The following RPTN variants were observed in gnomAD, a reference collection of about 807,000 sequenced individuals.
RPTN encodes the protein intermediate filament-associated protein.
Under a neutral mutation model 3.6 loss-of-function variants are expected in RPTN, and 4 were observed. That is an observed-to-expected ratio of 1.12 (90% CI 0.55 to 2.55). RPTN has a LOEUF of 2.55. Ranked by LOEUF, RPTN falls within the 30% of genes most tolerant of loss-of-function variation. The pLI is 0.02. For missense variants in RPTN, 860 were observed against 916.7 expected (o/e 0.94, Z 0.80); for synonymous variants, 293 against 319.3 (o/e 0.92, Z 0.88).
In RPTN at chr1:152,153,729, CAT is replaced by C. The variant is rs1358178109; in HGVS notation, c.*1013_*1014del. 1 of 152,140 alleles carries C rather than the reference CAT, an allele frequency of 6.6e-6. No individual in the cohort carries two copies. The highest frequency in any genetic ancestry group is 1.5e-5 in the Non-Finnish European group (1 of 68,024). The allele number at this position is 152,140 out of a possible 1,614,324, so 9.4% of individuals were successfully genotyped here. On this transcript the variant is annotated 3_prime_UTR_variant, in exon 3 of 3. Transcript: ENST00000316073. ...TCCCCTGGAATTTGCAAACATATGACATATACTTTCTCTTTATTTTATATAAT... is the reference window on the plus strand; with the variant it reads ...TCCCCTGGAATTTGCAAACATATGACATACTTTCTCTTTATTTTATATAAT...
chr1:152,156,457 A>C lies in RPTN; in HGVS notation c.642T>G (p.Ser214=). 6.2e-7 allele frequency: 1 copy of C among 1,614,236 alleles called. No homozygotes were observed. The highest frequency in any genetic ancestry group is 8.5e-7 in the Non-Finnish European group (1 of 1,180,050). The part of the protein sequence containing the change: ...SSSGKKVSHK[S]TSGQAKWQGH... Reference sequence around the variant, plus strand: ...CCTGCCATTTAGCCTGGCCACTGGTAGATTTGTGACTCACTTTTTTACCAG... The same window carrying C: ...CCTGCCATTTAGCCTGGCCACTGGTCGATTTGTGACTCACTTTTTTACCAG... Residue 214 remains serine (S), a synonymous_variant, in exon 3 of 3, where the codon TCT becomes TCG. Transcript: ENST00000316073.
Position 152,156,398 on chromosome 1 carries a change from G to T in RPTN, c.701C>A (p.Pro234Gln), listed in dbSNP as rs1659206145. The change falls in exon 3 of 3, where the codon CCA (proline) becomes CAA (glutamine). Residue 234 changes from proline (P) to glutamine (Q), a missense_variant. Coordinates refer to ENST00000316073, the MANE Select transcript of RPTN (RefSeq NM_001122965.1). ...HIFALNRCEK[P>Q]IQDSHYGQSE... Reference sequence around the variant, plus strand: ...CTGACCATAATGAGAATCCTGAATTGGTTTTTCACACCGATTTAAGGCAAA... The same window carrying T: ...CTGACCATAATGAGAATCCTGAATTTGTTTTTCACACCGATTTAAGGCAAA... 4 of 1,614,100 alleles carry T rather than the reference G, an allele frequency of 2.5e-6. No homozygotes were observed. The highest frequency in any genetic ancestry group is 1.7e-5 in the Admixed American group (1 of 60,002).
Position 152,155,710 on chromosome 1 carries a change from A to T in RPTN, c.1389T>A (p.Tyr463Ter). The T allele has an allele frequency of 6.3e-7, 1 of 1,596,150 alleles. No individual in the cohort carries two copies. Among genetic ancestry groups the T allele is most frequent in the East Asian group, 2.3e-5 (1 of 44,370 alleles). The change falls in exon 3 of 3, where the codon TAT becomes TAA. Residue 463 changes from tyrosine (Y) to a stop codon, truncating the protein, a stop_gained. Coordinates refer to ENST00000316073, the MANE Select transcript of RPTN (RefSeq NM_001122965.1). LOFTEE classifies it low-confidence loss of function (END_TRUNC). ...QTDRQGQSSH[Y>*]GQTDRQGQSS... ...TCTGGCCTTGTCTGTCTGTCTGACC[A>T]TAGTGGGAACTCTGGCCTTGTCTGT...
chr1:152,157,096 G>T, intron 2 of RPTN, 136 bp from the exon 3 acceptor site: 1 of 737,806 alleles, frequency 1.4e-6, no homozygotes, highest in Non-Finnish European at 2.2e-6. Context: ...CTGAAGTGGT[G>T]TGGACTTGGC....
chr1:152,156,724 G>T lies in RPTN; in HGVS notation c.375C>A (p.His125Gln). 1 of 1,614,082 alleles carries T rather than the reference G, an allele frequency of 6.2e-7. No individual in the cohort carries two copies. The highest frequency in any genetic ancestry group is 8.5e-7 in the Non-Finnish European group (1 of 1,180,018). Residue 125 changes from histidine (H) to glutamine (Q), a missense_variant, in exon 3 of 3, where the codon CAC becomes CAA. By Grantham distance (24) the His-to-Gln change is conservative. Coordinates refer to ENST00000316073, the MANE Select transcript of RPTN (RefSeq NM_001122965.1). ...GGTGGGAGTTCTGCCTTTCTTCCTCGTGCCTCTGTCTGTGTTGTCTGCCTG... is the reference window on the plus strand; with the variant it reads ...GGTGGGAGTTCTGCCTTTCTTCCTCTTGCCTCTGTCTGTGTTGTCTGCCTG... ...GNTGRQHRQR[H>Q]EEERQNSHHS... is the part of the protein sequence containing the mutation.
In RPTN at chr1:152,155,612, C is replaced by T. The variant is rs1213483150; in HGVS notation, c.1487G>A (p.Ser496Asn). The T allele has an allele frequency of 3.8e-6, 6 of 1,596,394 alleles. No individual in the cohort carries two copies. The highest frequency in any genetic ancestry group is 5.1e-6 in the Non-Finnish European group (6 of 1,167,482). The stretch of plus-strand genomic sequence containing the variant: ...TCCGTCTGGCTGACCATAATGATAA[C>T]TCTGGTCTTGTCTGTCTATCTTACC... ...HYGKIDRQDQ[S>N]YHYGQPDGQG... The change falls in exon 3 of 3, where the codon AGT (serine) becomes AAT (asparagine). Residue 496 changes from serine (S) to asparagine (N), a missense_variant. Transcript: ENST00000316073.
chr1:152,154,538 G>C lies in RPTN; in HGVS notation c.*206C>G. ...TTGGGGCCTCCCACTGCTCTGGGTTGGATAGAAGGATGGTTCAGTGTGTCT... is the reference window on the plus strand; with the variant it reads ...TTGGGGCCTCCCACTGCTCTGGGTTCGATAGAAGGATGGTTCAGTGTGTCT... On this transcript the variant is annotated 3_prime_UTR_variant, in exon 3 of 3. Coordinates refer to ENST00000316073, the MANE Select transcript of RPTN (RefSeq NM_001122965.1). 1.4e-6 allele frequency: 1 copy of C among 738,934 alleles called. No individual in the cohort carries two copies. Among genetic ancestry groups the C allele is most frequent in the Non-Finnish European group, 2.2e-6 (1 of 453,738 alleles). 45.8% of individuals were successfully genotyped at this position (738,934 alleles called of 1,614,324 possible).
chr1:152,157,374 C>T (rs1300647548), intron 2 of RPTN, among the ~76,000 whole-genome samples: 1 of 152,110 alleles, frequency 6.6e-6, no homozygotes, highest in African/African-American at 2.4e-5. Flanking sequence ...CTCAGTGACT[C>T]TTTATTGGTT....
At chr1:152,158,355 T>C (rs1185800448) in intron 1 of RPTN, among the ~76,000 whole-genome samples, 1 of 152,108 alleles carries the variant, frequency 6.6e-6, no homozygotes, top group Admixed American at 6.5e-5. Flanking sequence ...CAGGTTTCAG[T>C]CTTGTAATGA....
chr1:152,157,416 T>C (rs1349660185), intron 2 of RPTN, among the ~76,000 whole-genome samples: 1 of 152,178 alleles, frequency 6.6e-6, no homozygotes, highest in East Asian at 1.9e-4. Flanking sequence ...GATGTGTGGA[T>C]AGCACTAAAT....
Position 152,157,913 on chromosome 1 carries a change from A to G in RPTN, c.-20-4T>C. 6.2e-7 allele frequency: 1 copy of G among 1,612,828 alleles called. No homozygotes were observed. Among genetic ancestry groups the G allele is most frequent in the Admixed American group, 1.7e-5 (1 of 59,964 alleles). On this transcript the variant is annotated splice_region_variant and splice_polypyrimidine_tract_variant and intron_variant, in intron 1 of 2. Coordinates refer to ENST00000316073, the MANE Select transcript of RPTN (RefSeq NM_001122965.1). ...ATTTTGACAAGTACGGGTGAACCTA[A>G]AAGAAGAAACAAGATTTCTCCTGCC...
rs181339224 is a variant in RPTN at position 152,156,768 on chromosome 1, A to G, written c.331T>C (p.Cys111Arg). ...CTGCCTGTGTTTCCTGGGAACTTAC[A>G]GTCTTGTGCTCCTTCCTGCCCCCTT... Reference protein sequence around the residue: ...QERGQEGAQDCKFPGNTGRQH... With the variant: ...QERGQEGAQDRKFPGNTGRQH... Residue 111 changes from cysteine (C) to arginine (R), a missense_variant, in exon 3 of 3, where the codon TGT becomes CGT. Coordinates refer to ENST00000316073, the MANE Select transcript of RPTN (RefSeq NM_001122965.1). The G allele has an allele frequency of 1.2e-4, 196 of 1,614,174 alleles. No homozygotes were observed. The East Asian group carries it at 1.9e-3, about 16-fold the overall frequency.
intron 1 of RPTN, 35 bp from the exon 2 acceptor site, chr1:152,157,944 G>A: frequency 1.3e-6 from 2 of 1,585,974 alleles, no homozygotes; most frequent in Non-Finnish European, 1.7e-6. Context: ...CTGCCGTTAG[G>A]ATAATGACCA....
chr1:152,156,203 T>C lies in RPTN; in HGVS notation c.896A>G (p.Asp299Gly), dbSNP rs775631698. Residue 299 changes from aspartate to glycine, a missense_variant, in exon 3 of 3, where the codon GAC (aspartate) becomes GGC (glycine). Physicochemically the swap from Asp to Gly is moderately conservative, Grantham distance 94. Transcript: ENST00000316073. ...ATAATGATAACTCTGGTCTTGTCTG[T>C]CCGTCTGACCGTAGTGGGAACTCTG... ...QGQSSHYGQTDRQDQSYHYGQ... is the reference protein window; with the variant it reads ...QGQSSHYGQTGRQDQSYHYGQ... The C allele has an allele frequency of 6.2e-6, 10 of 1,614,134 alleles. No homozygotes were observed. The highest frequency in any genetic ancestry group is 8.5e-6 in the Non-Finnish European group (10 of 1,179,996).
rs143763320 is a variant in RPTN at position 152,156,777 on chromosome 1, C to G, written c.322G>C (p.Ala108Pro). The G allele has an allele frequency of 2.0e-4, 327 of 1,614,186 alleles. 2 individuals are homozygous for G. The South Asian group carries it at 3.3e-3, about 17-fold the overall frequency. Reference sequence around the variant, plus strand: ...TTTCCTGGGAACTTACAGTCTTGTGCTCCTTCCTGCCCCCTTTCTTGCTGT... The same window carrying G: ...TTTCCTGGGAACTTACAGTCTTGTGGTCCTTCCTGCCCCCTTTCTTGCTGT... ...TSQQERGQEG[A>P]QDCKFPGNTG... Residue 108 changes from alanine (A) to proline (P), a missense_variant, in exon 3 of 3, where the codon GCA (alanine) becomes CCA (proline). Ala to Pro is a conservative substitution (Grantham distance 27). Coordinates refer to ENST00000316073, the MANE Select transcript of RPTN (RefSeq NM_001122965.1).
chr1:152,156,655 C>G lies in RPTN; in HGVS notation c.444G>C (p.Gln148His), dbSNP rs1208140904. 1 of 1,600,370 alleles carries G rather than the reference C, an allele frequency of 6.2e-7. No homozygotes were observed. The highest frequency in any genetic ancestry group is 1.1e-5 in the South Asian group (1 of 89,252). ...ERQDGDSHHG[Q>H]PERQDRDSHH... Reference sequence around the variant, plus strand: ...GGGAATCTCTGTCTTGTCTCTCAGGCTGACCATGGTGGGAATCTCCGTCTT... The same window carrying G: ...GGGAATCTCTGTCTTGTCTCTCAGGGTGACCATGGTGGGAATCTCCGTCTT... Residue 148 changes from glutamine to histidine, a missense_variant, in exon 3 of 3, where the codon CAG becomes CAC. Gln to His is a conservative substitution (Grantham distance 24). Transcript: ENST00000316073.
At chr1:152,157,603 A>C in intron 2 of RPTN, 149 bp downstream of exon 2, 3 of 321,016 alleles carry the variant, frequency 9.3e-6, no homozygotes, top group Non-Finnish European at 5.6e-6. Flanking sequence ...GTGTGTGTGT[A>C]TGCTGGGAGA....
chr1:152,158,176 C>T (rs1047751162), intron 1 of RPTN, among the ~76,000 whole-genome samples: 1 of 152,090 alleles, frequency 6.6e-6, no homozygotes, highest in Non-Finnish European at 1.5e-5. Flanking sequence ...TTTACATATC[C>T]CATCCTCTAC....
At position 152,156,038 on chromosome 1, in the gene RPTN, T is replaced by C; in HGVS notation, c.1061A>G (p.His354Arg). 1 of 1,613,486 alleles carries C rather than the reference T, an allele frequency of 6.2e-7. No individual in the cohort carries two copies. The highest frequency in any genetic ancestry group is 8.5e-7 in the Non-Finnish European group (1 of 1,179,966). ...GQMDRKGQCY[H>R]YDQTNRQGQG... is the part of the protein sequence containing the mutation. Reference sequence around the variant, plus strand: ...GCCTTGTCTGTTTGTCTGATCATAATGATAACACTGGCCTTTTCTGTCCAT... The same window carrying C: ...GCCTTGTCTGTTTGTCTGATCATAACGATAACACTGGCCTTTTCTGTCCAT... Residue 354 changes from histidine (H) to arginine (R), a missense_variant, in exon 3 of 3, where the codon CAT (histidine) becomes CGT (arginine). Physicochemically the swap from His to Arg is conservative, Grantham distance 29 (BLOSUM62 0). Coordinates refer to ENST00000316073, the MANE Select transcript of RPTN (RefSeq NM_001122965.1).
Sources: gnomAD v4.1 joint callset for allele counts (sites outside exome capture counted in the v4.1 genomes callset) on GRCh38, gnomAD v4.1.1 for gene constraint, MANE v1.5 for transcripts, NCBI Gene and HGNC (gene_info 2026-07-23, HGNC 2026-07-21) for gene names.